Variants in SYT14 observed in about 807,000 individuals in gnomAD.
SYT14 encodes the protein synaptotagmin 14, also known as synaptotagmin-14.
In SYT14, 32 loss-of-function variants were observed where a neutral mutation model predicts 74.2. That is an observed-to-expected ratio of 0.43 (90% CI 0.33 to 0.58). SYT14 has a LOEUF of 0.58. Ranked by LOEUF, SYT14 falls within the 20% of genes least tolerant of loss-of-function variation. The pLI is 0.05. For missense variants in SYT14, 791 were observed against 981.8 expected, an observed-to-expected ratio of 0.81 and a Z score of 2.60; for synonymous variants, 298 against 337.7, an observed-to-expected ratio of 0.88 and a Z score of 1.29.
intron 2 of SYT14, among the ~76,000 whole-genome samples, chr1:209,953,571 T>A (rs2078946109): frequency 6.6e-6 from 1 of 152,194 alleles, no homozygotes; most frequent in Non-Finnish European, 1.5e-5. Flanking sequence ...TGGAGCAGTG[T>A]CATTATTTGT....
At chr1:210,126,465 C>CT (rs770989243) in intron 7 of SYT14, among the ~76,000 whole-genome samples, 7 of 152,072 alleles carry the variant, frequency 4.6e-5, no homozygotes, top group African/African-American at 7.2e-5. Flanking sequence ...CTATTCTATA[C>CT]TTTATCATTA....
chr1:209,969,490 T>C (rs542598998), intron 2 of SYT14, among the ~76,000 whole-genome samples: 103 of 147,168 alleles, frequency 7.0e-4, no homozygotes, highest in African/African-American at 9.9e-4. Context: ...TTCTTTCTTT[T>C]TTTTTTTTTT....
At chr1:209,992,029 A>C (rs889468515) in intron 2 of SYT14, among the ~76,000 whole-genome samples, 2 of 152,200 alleles carry the variant, frequency 1.3e-5, no homozygotes, top group Non-Finnish European at 2.9e-5. Flanking sequence ...ATAAATCATT[A>C]TATCAAAAAG....
In SYT14 at chr1:210,014,809, C is replaced by T. The variant is rs72649935; in HGVS notation, c.-320-875C>T. Among the ~76,000 whole-genome samples the T allele has an allele frequency of 0.016, 2,361 of 152,126 alleles. 186 individuals are homozygous for T. The East Asian group carries it at 0.25, about 16-fold the overall frequency. ...TGCAGAAAGAACTGGCTAAAAGTAT[C>T]TCTTTACTGGCCTTTGGTAATTCTC... is the stretch of plus-strand genomic sequence containing the variant. On this transcript the variant is annotated intron_variant, in intron 3 of 9. Transcript: ENST00000637265.
At chr1:210,112,238 T>C (rs1323924607) in intron 7 of SYT14, among the ~76,000 whole-genome samples, 2 of 151,132 alleles carry the variant, frequency 1.3e-5, no homozygotes, top group Non-Finnish European at 1.5e-5. Flanking sequence ...TTGCCAGTCC[T>C]GGGCAGGGGC....
chr1:210,095,117 G>A (rs1012763220), intron 6 of SYT14, among the ~76,000 whole-genome samples: 29 of 151,942 alleles, frequency 1.9e-4, no homozygotes, highest in African/African-American at 5.8e-4. Context: ...TTACTGTTTC[G>A]GAGCAAAAAT....
chr1:210,097,020 A>G (rs2102534558), intron 6 of SYT14, among the ~76,000 whole-genome samples: 1 of 152,280 alleles, frequency 6.6e-6, no homozygotes, highest in South Asian at 2.1e-4. Flanking sequence ...GCTATCTGTA[A>G]CCACTTCTTT....
intron 7 of SYT14, among the ~76,000 whole-genome samples, chr1:210,153,859 G>A (rs1322227698): frequency 2.6e-5 from 4 of 152,190 alleles, no homozygotes; most frequent in Admixed American, 6.5e-5. Context: ...TATTAAGTAC[G>A]ATGTTGCATG....
At chr1:209,956,717 A>G (rs899185911) in intron 2 of SYT14, among the ~76,000 whole-genome samples, 1 of 152,172 alleles carries the variant, frequency 6.6e-6, no homozygotes, top group Admixed American at 6.5e-5. Flanking sequence ...ATAGTCTTAC[A>G]TGCTCTATAT....
chr1:210,069,512 T>G (rs1286994493), intron 5 of SYT14, among the ~76,000 whole-genome samples: 2 of 152,020 alleles, frequency 1.3e-5, no homozygotes, highest in African/African-American at 2.4e-5. Context: ...GTCCCATATA[T>G]CATTTTGTGG....
chr1:210,141,093 G>A lies in SYT14; in HGVS notation c.2035-14628G>A, dbSNP rs556332791. 1.3e-3 allele frequency among the ~76,000 whole-genome samples: 201 copies of A among 149,328 alleles called. 1 individual carries two copies. The highest frequency in any genetic ancestry group is 4.4e-3 in the African/African-American group (179 of 40,774). Reference sequence around the variant, plus strand: ...GGCCATAGCAATTTTGATAGGGATCGCATCAAATCTGTTTGATCCGTACTT... The same window carrying A: ...GGCCATAGCAATTTTGATAGGGATCACATCAAATCTGTTTGATCCGTACTT... On this transcript the variant is annotated intron_variant, in intron 7 of 9. Transcript: ENST00000637265.
At chr1:210,025,773 A>G (rs1410071062) in intron 5 of SYT14, among the ~76,000 whole-genome samples, 1 of 152,154 alleles carries the variant, frequency 6.6e-6, no homozygotes, top group African/African-American at 2.4e-5. Flanking sequence ...TTTCATTGCC[A>G]TGTATTGTGG....
intron 5 of SYT14, among the ~76,000 whole-genome samples, chr1:210,085,366 T>C (rs891444360): frequency 1.3e-5 from 2 of 152,230 alleles, no homozygotes; most frequent in Admixed American, 6.5e-5. Context: ...TTACATCTTC[T>C]TTTTCTCCCC....
At chr1:210,163,521 A>G in exon 10 of SYT14, 1 of 453,714 alleles carries the variant, frequency 2.2e-6, no homozygotes. Context: ...TTGTAAAGGC[A>G]AAGGTGCCCT....
intron 2 of SYT14, among the ~76,000 whole-genome samples, chr1:209,965,100 A>G (rs568072839): frequency 6.6e-6 from 1 of 152,338 alleles, no homozygotes; most frequent in Non-Finnish European, 1.5e-5. Context: ...TTTAGATTCA[A>G]GAGGTACATG....
chr1:210,038,854 T>C (rs1464122464), intron 5 of SYT14, among the ~76,000 whole-genome samples: 1 of 152,142 alleles, frequency 6.6e-6, no homozygotes, highest in Non-Finnish European at 1.5e-5. Context: ...GATTTTTTCC[T>C]TCATATTGAC....
chr1:210,016,578 T>C (rs1333411904), exon 4 of SYT14: 3 of 1,231,594 alleles, frequency 2.4e-6, no homozygotes, highest in Middle Eastern at 3.1e-4. Context: ...TTAAAGGAGG[T>C]AGGATATCAA....
chr1:210,082,595 T>C (rs528142288), intron 5 of SYT14, among the ~76,000 whole-genome samples: 4 of 152,358 alleles, frequency 2.6e-5, no homozygotes, highest in African/African-American at 9.6e-5. Context: ...TAGAGCCTAC[T>C]TAGCCTGATA....
At chr1:210,109,114 A>C (rs1254415188) in intron 7 of SYT14, among the ~76,000 whole-genome samples, 5 of 152,208 alleles carry the variant, frequency 3.3e-5, no homozygotes, top group African/African-American at 1.2e-4. Flanking sequence ...CAAGAAAAAA[A>C]CAACTCCATC....
Sources: gnomAD v4.1 joint callset for allele counts (sites outside exome capture counted in the v4.1 genomes callset) on GRCh38, gnomAD v4.1.1 for gene constraint, MANE v1.5 for transcripts, NCBI Gene and HGNC (gene_info 2026-07-23, HGNC 2026-07-21) for gene names.